Variants in CFAP44 observed in about 807,000 individuals in gnomAD.
The protein encoded by CFAP44 is cilia- and flagella-associated protein 44.
A neutral mutation model predicts 216.2 loss-of-function variants in CFAP44; 134 were observed. The observed-to-expected ratio is 0.62, with a 90% confidence interval of 0.54 to 0.72. CFAP44 has a LOEUF of 0.72. Ranked by LOEUF, CFAP44 falls within the 30% of genes least tolerant of loss-of-function variation. The pLI, the probability that CFAP44 is intolerant of heterozygous loss-of-function variation, is 0.00. For synonymous variants in CFAP44, 700 were observed against 727.6 expected (o/e 0.96, Z 0.61); for missense variants, 2,035 against 2,182.1 (o/e 0.93, Z 1.34).
intron 2 of CFAP44, 35 bp downstream of exon 2, chr3:113,433,530 A>C (rs1935161941): frequency 7.0e-7 from 1 of 1,418,630 alleles, no homozygotes; most frequent in African/African-American, 1.4e-5. Context: ...CCTAAGTTTA[A>C]TACTTTTAAA....
At chr3:113,418,637 G>C (rs1934718232) in intron 5 of CFAP44, among the ~76,000 whole-genome samples, 1 of 152,166 alleles carries the variant, frequency 6.6e-6, no homozygotes, top group African/African-American at 2.4e-5. Flanking sequence ...TGAAGAAAAG[G>C]CCTTGTGGAC....
At chr3:113,438,758 G>A (rs1465507846) in intron 1 of CFAP44, among the ~76,000 whole-genome samples, 1 of 152,046 alleles carries the variant, frequency 6.6e-6, no homozygotes, top group Non-Finnish European at 1.5e-5. Context: ...AGAACACACA[G>A]AACAAGTTTT....
At position 113,291,598 on chromosome 3, in the gene CFAP44, G is replaced by A; in HGVS notation, c.5524C>T (p.Gln1842Ter). ...TGTATCTCTTTCTCTCGTGGAGACT[G>A]AATGGGTGGGAGGATAAGACTGCCT... ...RKGSLILPPI[Q>*]SPREKEIQPA... Residue 1842 changes from glutamine (Q) to a stop codon, truncating the protein, a stop_gained, in exon 35 of 35, where the codon CAG becomes TAG. Coordinates refer to ENST00000393845, the MANE Select transcript of CFAP44 (RefSeq NM_001164496.2). LOFTEE classifies it low-confidence loss of function (END_TRUNC). 1 of 1,537,280 alleles carries A rather than the reference G, an allele frequency of 6.5e-7. No individual in the cohort carries two copies. Among genetic ancestry groups the A allele is most frequent in the Non-Finnish European group, 8.7e-7 (1 of 1,146,926 alleles).
chr3:113,303,055 G>A (rs938458640), intron 32 of CFAP44, among the ~76,000 whole-genome samples: 1 of 152,124 alleles, frequency 6.6e-6, no homozygotes, highest in Non-Finnish European at 1.5e-5. Context: ...CATCTCACAG[G>A]CTGGCAAAAA....
intron 23 of CFAP44, among the ~76,000 whole-genome samples, chr3:113,342,352 A>G (rs1021797478): frequency 2.0e-5 from 3 of 152,130 alleles, no homozygotes; most frequent in Non-Finnish European, 2.9e-5. Flanking sequence ...AAAACAAAAC[A>G]AAAACAAAAA....
intron 17 of CFAP44, among the ~76,000 whole-genome samples, chr3:113,375,517 TA>T (rs1335085438): frequency 6.6e-6 from 1 of 152,058 alleles, no homozygotes; most frequent in Non-Finnish European, 1.5e-5. Context: ...GTAATACACA[TA>T]AAGTTGGGGT....
At chr3:113,378,904 C>T (rs1000756078) in intron 17 of CFAP44, among the ~76,000 whole-genome samples, 2 of 152,142 alleles carry the variant, frequency 1.3e-5, no homozygotes, top group Non-Finnish European at 2.9e-5. Flanking sequence ...CTGGATAGTA[C>T]TGCCATGAAA....
In CFAP44 at chr3:113,407,020, C is replaced by A; in HGVS notation, c.912G>T (p.Thr304=). The change falls in exon 8 of 35, where the codon ACG becomes ACT. Residue 304 remains threonine, a synonymous_variant. Coordinates refer to ENST00000393845, the MANE Select transcript of CFAP44 (RefSeq NM_001164496.2). The part of the protein sequence containing the change: ...GHIKFWEMAF[T]FTGLKLQGSL... ...ATCCCTGCAGCTTGAGACCGGTGAACGTAAAAGCCATTTCCCAGAACCTAC... is the reference window on the plus strand; with the variant it reads ...ATCCCTGCAGCTTGAGACCGGTGAAAGTAAAAGCCATTTCCCAGAACCTAC... The A allele has an allele frequency of 6.2e-7, 1 of 1,613,986 alleles. No individual in the cohort carries two copies. Among genetic ancestry groups the A allele is most frequent in the Non-Finnish European group, 8.5e-7 (1 of 1,179,966 alleles).
intron 22 of CFAP44, among the ~76,000 whole-genome samples, chr3:113,346,691 A>G (rs939526272): frequency 6.6e-6 from 1 of 152,204 alleles, no homozygotes; most frequent in African/African-American, 2.4e-5. Context: ...CTCTGTGTCT[A>G]GCTAAAGGAT....
At position 113,427,168 on chromosome 3, in the gene CFAP44, G is replaced by A; in HGVS notation, c.253+19C>T. 1.2e-6 allele frequency: 2 copies of A among 1,603,642 alleles called. No homozygotes were observed. The highest frequency in any genetic ancestry group is 1.7e-6 in the Non-Finnish European group (2 of 1,177,438). On this transcript the variant is annotated intron_variant, in intron 3 of 34. Transcript: ENST00000393845. ...TCTAAAACAGTGACAATTACTGACA[G>A]AAAACTAATAATACCTACCTGTAGT...
At chr3:113,315,378 C>T (rs1183258143) in intron 28 of CFAP44, among the ~76,000 whole-genome samples, 1 of 152,106 alleles carries the variant, frequency 6.6e-6, no homozygotes, top group African/African-American at 2.4e-5. Flanking sequence ...ACCAAGACGA[C>T]ATGACACTCC....
intron 17 of CFAP44, 46 bp downstream of exon 17, chr3:113,379,260 T>C: frequency 1.5e-6 from 2 of 1,351,586 alleles, no homozygotes; most frequent in Non-Finnish European, 2.0e-6. Flanking sequence ...AACTATAAAC[T>C]ATATTGAAAT....
intron 21 of CFAP44, among the ~76,000 whole-genome samples, chr3:113,361,564 G>A (rs1363886552): frequency 6.8e-6 from 1 of 147,922 alleles, no homozygotes; most frequent in Non-Finnish European, 1.5e-5. Flanking sequence ...ACGTGATCTC[G>A]GCTCACTGCA....
chr3:113,385,314 T>C (rs1337633584), intron 15 of CFAP44, among the ~76,000 whole-genome samples: 1 of 152,190 alleles, frequency 6.6e-6, no homozygotes, highest in Non-Finnish European at 1.5e-5. Flanking sequence ...TTTGCACTTT[T>C]ACTAGAGAGA....
intron 22 of CFAP44, among the ~76,000 whole-genome samples, 172 bp downstream of exon 22, chr3:113,358,573 C>T (rs907478894): frequency 6.6e-6 from 1 of 152,092 alleles, no homozygotes; most frequent in Non-Finnish European, 1.5e-5. Context: ...AAGGAGTGCA[C>T]AGAAAGCTCA....
intron 2 of CFAP44, among the ~76,000 whole-genome samples, chr3:113,431,285 G>T (rs1479560610): frequency 1.3e-5 from 2 of 152,138 alleles, no homozygotes; most frequent in Non-Finnish European, 2.9e-5. Flanking sequence ...CATATGATAT[G>T]TGAACTAATT....
chr3:113,333,317 G>T (rs1042341539), intron 25 of CFAP44, 89 bp downstream of exon 25: 2 of 1,097,498 alleles, frequency 1.8e-6, no homozygotes, highest in African/African-American at 1.6e-5. Flanking sequence ...TATTCTTATT[G>T]ACCAGATAGG....
rs532890751 is a variant in CFAP44 at position 113,379,147 on chromosome 3, T to C, written c.2298+159A>G. ...AACAACTATATCCCACATTCATTCA[T>C]CAAAACTCACGACTTCAATAGTATT... On this transcript the variant is annotated intron_variant, in intron 17 of 34. Transcript: ENST00000393845. 8.6e-4 allele frequency among the ~76,000 whole-genome samples: 131 copies of C among 151,984 alleles called. 1 individual carries two copies. Among genetic ancestry groups the C allele is most frequent in the Non-Finnish European group, 1.3e-3 (91 of 67,946 alleles).
chr3:113,385,434 CAAAG>C (rs1038871468), intron 15 of CFAP44, among the ~76,000 whole-genome samples: 3 of 152,148 alleles, frequency 2.0e-5, no homozygotes, highest in African/African-American at 7.2e-5. Flanking sequence ...ACAAGAGCCT[CAAAG>C]AAAGAGAGTT....
Sources: allele counts gnomAD v4.1 joint callset (sites outside exome capture counted in the v4.1 genomes callset), GRCh38; gene constraint gnomAD v4.1.1; transcripts MANE v1.5; gene names NCBI Gene and HGNC (gene_info 2026-07-23, HGNC 2026-07-21).